Variants in LINGO2 observed in about 807,000 individuals in gnomAD.
LINGO2 encodes the protein leucine rich repeat and Ig domain containing 2, also known as leucine-rich repeat and immunoglobulin-like domain-containing nogo receptor-interacting protein 2.
Under a neutral mutation model 30.6 loss-of-function variants are expected in LINGO2, and 14 were observed. The observed-to-expected ratio is 0.46, with a 90% CI of 0.30 to 0.72. The LOEUF (loss-of-function observed/expected upper bound fraction) is 0.72, where lower values mean the gene tolerates loss of function less well. Among genes scored for constraint, LINGO2 ranks in the 30% least tolerant of loss-of-function variants. The pLI is 0.07. For synonymous variants in LINGO2, 317 were observed against 288.5 expected, an observed-to-expected ratio of 1.10 and a Z score of -1.00; for missense variants, 729 against 751.7, an observed-to-expected ratio of 0.97 and a Z score of 0.35.
At chr9:28,750,562 A>T in the LINGO2 span, among the ~76,000 whole-genome samples, 1 of 152,002 alleles carries the variant, frequency 6.6e-6, no homozygotes, top group East Asian at 1.9e-4. Context: ...CAACCTGATC[A>T]TTTTTCCTAT....
chr9:28,080,163 C>G (rs577689342), intron 4 of LINGO2, among the ~76,000 whole-genome samples: 104 of 152,326 alleles, frequency 6.8e-4, no homozygotes, highest in Non-Finnish European at 8.1e-4. Flanking sequence ...GGACATGTTC[C>G]AAATAGTAGC....
At chr9:28,312,672 T>C (rs1423914067) in intron 3 of LINGO2, among the ~76,000 whole-genome samples, 2 of 152,316 alleles carry the variant, frequency 1.3e-5, no homozygotes, top group Non-Finnish European at 2.9e-5. Context: ...TCTACCCTTA[T>C]ACAAGACAGA....
the LINGO2 span, among the ~76,000 whole-genome samples, chr9:28,866,399 A>T: frequency 6.6e-6 from 1 of 152,050 alleles, no homozygotes; most frequent in Non-Finnish European, 1.5e-5. Context: ...TATGCTTGTG[A>T]TTTGAAAAAT....
chr9:28,794,533 G>A, the LINGO2 span, among the ~76,000 whole-genome samples: 8 of 152,126 alleles, frequency 5.3e-5, no homozygotes, highest in African/African-American at 1.9e-4. Flanking sequence ...AAGGGGAATT[G>A]TCCTGGCTCC....
rs906137087 is a variant in LINGO2 at position 28,498,482 on chromosome 9, G to A, written c.-364-22457C>T. Among the ~76,000 whole-genome samples the A allele has an allele frequency of 3.9e-5, 6 of 152,226 alleles. No homozygotes were observed. In the East Asian group the frequency reaches 1.2e-3, roughly 29 times the overall value. Reference sequence around the variant, plus strand: ...CAGGCACGGGTTATAATCTCCTGGTGTGCCGTTTGCTAAGACCATTGGAAA... The same window carrying A: ...CAGGCACGGGTTATAATCTCCTGGTATGCCGTTTGCTAAGACCATTGGAAA... On this transcript the variant is annotated intron_variant, in intron 1 of 5. Transcript: ENST00000379992.
intron 4 of LINGO2, among the ~76,000 whole-genome samples, chr9:28,041,340 T>C (rs1394056519): frequency 1.3e-5 from 2 of 152,210 alleles, no homozygotes; most frequent in Non-Finnish European, 2.9e-5. Context: ...ATAGACTGGC[T>C]GTTGTCTTAA....
the LINGO2 span, among the ~76,000 whole-genome samples, chr9:28,934,155 T>C: frequency 1.3e-5 from 2 of 152,188 alleles, no homozygotes; most frequent in African/African-American, 4.8e-5. Context: ...AACTTGAGTA[T>C]TGAAATTTGT....
At chr9:28,031,029 A>T (rs1424354275) in intron 4 of LINGO2, among the ~76,000 whole-genome samples, 1 of 152,190 alleles carries the variant, frequency 6.6e-6, no homozygotes, top group East Asian at 1.9e-4. Flanking sequence ...GATCAATCTT[A>T]TACTTTCCCA....
chr9:28,400,408 A>G (rs2134740601), intron 2 of LINGO2, among the ~76,000 whole-genome samples: 1 of 152,334 alleles, frequency 6.6e-6, no homozygotes, highest in South Asian at 2.1e-4. Flanking sequence ...ATAGCTTAAA[A>G]TTAGGCATGG....
chr9:28,437,206 A>C (rs919470317), intron 2 of LINGO2, among the ~76,000 whole-genome samples: 2 of 152,174 alleles, frequency 1.3e-5, no homozygotes, highest in African/African-American at 4.8e-5. Context: ...ACAAAAAGGC[A>C]GAGGAAAGGC....
intron 3 of LINGO2, among the ~76,000 whole-genome samples, chr9:28,334,932 C>A (rs1479793960): frequency 1.3e-5 from 2 of 152,082 alleles, no homozygotes; most frequent in African/African-American, 4.8e-5. Context: ...TTAGGGGAAA[C>A]CCAGGAATGA....
intron 2 of LINGO2, among the ~76,000 whole-genome samples, chr9:28,393,621 G>T (rs954437578): frequency 6.6e-5 from 10 of 152,304 alleles, no homozygotes; most frequent in African/African-American, 2.4e-4. Flanking sequence ...TGGGTAACAA[G>T]AGGTAGATAA....
At chr9:28,035,184 C>G (rs1197932) in intron 4 of LINGO2, among the ~76,000 whole-genome samples, 1,768 of 152,328 alleles carry the variant, frequency 0.012, 25 homozygotes, top group African/African-American at 0.04. Flanking sequence ...TTTTATTTTC[C>G]TAGCTTTTGT....
rs192706713 is a variant in LINGO2, at chr9:28,355,754, C to T, written c.-246+17082G>A. 1.5e-4 allele frequency among the ~76,000 whole-genome samples: 23 copies of T among 152,180 alleles called. No homozygotes were observed. The East Asian group carries it at 2.9e-3, about 19-fold the overall frequency. On this transcript the variant is annotated intron_variant, in intron 3 of 5. Coordinates refer to ENST00000379992, the Ensembl canonical transcript of LINGO2. ...AGATTGCTTTTGCGTAGTATCTGTA[C>T]GTAATACTCACACTGTACTCTTTGG... is the stretch of plus-strand genomic sequence containing the variant.
At chr9:28,678,143 T>TAAAA in the LINGO2 span, among the ~76,000 whole-genome samples, 9 of 144,446 alleles carry the variant, frequency 6.2e-5, no homozygotes, top group South Asian at 1.1e-3. Context: ...CTTTGAATAT[T>TAAAA]AAAAAAAAAA....
chr9:28,095,806 G>A (rs1031096458), intron 4 of LINGO2, among the ~76,000 whole-genome samples: 1 of 152,072 alleles, frequency 6.6e-6, no homozygotes, highest in African/African-American at 2.4e-5. Flanking sequence ...TTTGCAACCT[G>A]CTCATCTGAC....
the LINGO2 span, among the ~76,000 whole-genome samples, chr9:28,802,626 T>A: frequency 6.6e-6 from 1 of 152,034 alleles, no homozygotes; most frequent in Non-Finnish European, 1.5e-5. Context: ...GGAAATTATG[T>A]TGGGTAGCAT....
intron 2 of LINGO2, among the ~76,000 whole-genome samples, chr9:28,460,662 T>C (rs1460527142): frequency 6.6e-6 from 1 of 152,214 alleles, no homozygotes; most frequent in African/African-American, 2.4e-5. Context: ...GAAAAGATGC[T>C]ATATAAAATA....
chr9:28,949,186 C>T, the LINGO2 span, among the ~76,000 whole-genome samples: 5 of 151,936 alleles, frequency 3.3e-5, no homozygotes, highest in African/African-American at 1.2e-4. Flanking sequence ...CCTAACATCA[C>T]AATTAAAAGA....
Sources: allele counts gnomAD v4.1 joint callset (sites outside exome capture counted in the v4.1 genomes callset), GRCh38; gene constraint gnomAD v4.1.1; transcripts MANE v1.5; gene names NCBI Gene and HGNC (gene_info 2026-07-23, HGNC 2026-07-21).